The following SNRPF variants were observed in gnomAD, a reference collection of about 807,000 sequenced individuals.
The protein encoded by SNRPF is small nuclear ribonucleoprotein F.
In SNRPF, 1 loss-of-function variant was observed where a neutral mutation model predicts 13.4. The observed-to-expected ratio is 0.07, with a 90% CI of 0.03 to 0.35. The LOEUF (loss-of-function observed/expected upper bound fraction) is 0.35. Ranked by LOEUF, SNRPF falls within the 10% of genes least tolerant of loss-of-function variation. The pLI, the probability that SNRPF is intolerant of heterozygous loss-of-function variation, is 0.99. For synonymous variants in SNRPF, 27 were observed against 32.1 expected, an observed-to-expected ratio of 0.84 and a Z score of 0.54; for missense variants, 53 against 101.0, an observed-to-expected ratio of 0.52 and a Z score of 2.04.
At chr12:95,864,279 A>G in intron 2 of SNRPF, among the ~76,000 whole-genome samples, 1 of 152,020 alleles carries the variant, frequency 6.6e-6, no homozygotes, top group East Asian at 1.9e-4. Flanking sequence ...CACGTGCCTA[A>G]TTGTGAAGGA....
intron 1 of SNRPF, among the ~76,000 whole-genome samples, chr12:95,859,714 A>T (rs1436575747): frequency 6.6e-6 from 1 of 152,176 alleles, no homozygotes; most frequent in Non-Finnish European, 1.5e-5. Context: ...ATTTGGAGAA[A>T]TTGACAGAAA....
At chr12:95,860,852 CTTTTTTT>C (rs10689270) in intron 1 of SNRPF, among the ~76,000 whole-genome samples, 1 of 96,564 alleles carries the variant, frequency 1.0e-5, no homozygotes, top group East Asian at 2.7e-4. Flanking sequence ...ACCTGGCCCG[CTTTTTTT>C]TTTTTTTTTT....
At chr12:95,862,371 G>T (rs1292286545) in intron 2 of SNRPF, among the ~76,000 whole-genome samples, 1 of 152,060 alleles carries the variant, frequency 6.6e-6, no homozygotes, top group Non-Finnish European at 1.5e-5. Context: ...GCTCTTTGGG[G>T]TATATACCCA....
In SNRPF at chr12:95,859,187, C is replaced by G; in HGVS notation, c.3+111C>G. On this transcript the variant is annotated intron_variant, in intron 1 of 3. Coordinates refer to ENST00000266735, the MANE Select transcript of SNRPF (RefSeq NM_003095.5). The stretch of plus-strand genomic sequence containing the variant: ...GTTTCCCATTCATCCGCGTGAGGCG[C>G]CGCGCACCCTGTCGCCAGCTCCTTT... The G allele has an allele frequency of 3.1e-6, 3 of 954,648 alleles. No individual in the cohort carries two copies. The South Asian group carries it at 4.1e-5, about 13-fold the overall frequency. The allele number at this position is 954,648 out of a possible 1,614,324, so 59.1% of individuals were successfully genotyped here. A position where few individuals can be genotyped will look rare whatever the true frequency, so the allele number is the denominator to read the frequency against.
At chr12:95,859,846 G>A (rs2079486443) in intron 1 of SNRPF, among the ~76,000 whole-genome samples, 1 of 152,148 alleles carries the variant, frequency 6.6e-6, no homozygotes. Context: ...AAAATGATTC[G>A]GTTGGAAGCC....
At chr12:95,859,739 C>A (rs1485593485) in intron 1 of SNRPF, among the ~76,000 whole-genome samples, 1 of 152,072 alleles carries the variant, frequency 6.6e-6, no homozygotes, top group Non-Finnish European at 1.5e-5. Context: ...TAGCCACTTG[C>A]GCGAATAGTG....
intron 1 of SNRPF, among the ~76,000 whole-genome samples, chr12:95,859,928 A>T (rs1411754836): frequency 2.0e-5 from 3 of 152,216 alleles, no homozygotes; most frequent in African/African-American, 7.2e-5. Flanking sequence ...TGTGGTGGAT[A>T]ACAAATTGGA....
Position 95,859,002 on chromosome 12 carries a change from T to G in SNRPF, c.-72T>G, listed in dbSNP as rs913685772. On this transcript the variant is annotated 5_prime_UTR_variant, in exon 1 of 4. Coordinates refer to ENST00000266735, the MANE Select transcript of SNRPF (RefSeq NM_003095.5). ...ACTGCGGCTCGGGACCTGCGGTACC[T>G]GCTGTAGTCACGAGGGACGGGCGGC... 6.2e-7 allele frequency: 1 copy of G among 1,601,236 alleles called. No individual in the cohort carries two copies. Among genetic ancestry groups the G allele is most frequent in the Non-Finnish European group, 8.5e-7 (1 of 1,175,450 alleles).
intron 2 of SNRPF, 36 bp from the exon 3 acceptor site, chr12:95,865,288 G>A (rs143747535): frequency 4.8e-6 from 5 of 1,051,584 alleles, no homozygotes; most frequent in East Asian, 4.8e-5. Flanking sequence ...TTTTCCTCCT[G>A]TGTGATTATA....
chr12:95,859,061 G>C lies in SNRPF; in HGVS notation c.-13G>C, dbSNP rs373073396. 1 of 1,613,058 alleles carries C rather than the reference G, an allele frequency of 6.2e-7. No individual in the cohort carries two copies. On this transcript the variant is annotated 5_prime_UTR_variant, in exon 1 of 4. Coordinates refer to ENST00000266735, the MANE Select transcript of SNRPF (RefSeq NM_003095.5). ...CGGCAGAGAGTAGCCTGCAACATTC[G>C]GCCGTGGTTACGATGGTAAGGAGAA...
chr12:95,861,115 T>G, intron 1 of SNRPF, 53 bp from the exon 2 acceptor site: 1 of 1,541,836 alleles, frequency 6.5e-7, no homozygotes, highest in Non-Finnish European at 8.8e-7. Context: ...TAGAAGAGAG[T>G]TGGTGGTGGG....
Position 95,865,989 on chromosome 12 carries a change from CT to C in SNRPF, c.195-11del. The C allele has an allele frequency of 7.5e-7, 1 of 1,340,382 alleles. No homozygotes were observed. Among genetic ancestry groups the C allele is most frequent in the South Asian group, 1.3e-5 (1 of 77,732 alleles). The allele number at this position is 1,340,382 out of a possible 1,614,324, so 83.0% of individuals were successfully genotyped here. ...TTTCTGGTTGGAACAACAAAATCGACTTTTTCTATTTACAGGTGTAATAATG... is the reference window on the plus strand; with the variant it reads ...TTTCTGGTTGGAACAACAAAATCGACTTTTCTATTTACAGGTGTAATAATG... On this transcript the variant is annotated splice_polypyrimidine_tract_variant and intron_variant, in intron 3 of 3. Coordinates refer to ENST00000266735, the MANE Select transcript of SNRPF (RefSeq NM_003095.5).
chr12:95,862,675 T>C (rs1381227835), intron 2 of SNRPF, among the ~76,000 whole-genome samples: 3 of 152,188 alleles, frequency 2.0e-5, no homozygotes, highest in Non-Finnish European at 2.9e-5. Flanking sequence ...CTGTGATCAC[T>C]GCACTCTAGC....
chr12:95,865,160 AC>A (rs1250249426), intron 2 of SNRPF, 163 bp from the exon 3 acceptor site: 1 of 421,572 alleles, frequency 2.4e-6, no homozygotes, highest in African/African-American at 2.0e-5. Context: ...AACCAAAAGT[AC>A]TACAATAGTA....
chr12:95,865,437 A>G, intron 3 of SNRPF, 49 bp downstream of exon 3: 1 of 854,850 alleles, frequency 1.2e-6, no homozygotes, highest in East Asian at 2.5e-5. Flanking sequence ...GAGCATTAGG[A>G]ATACCTGTTC....
intron 2 of SNRPF, 173 bp downstream of exon 2, chr12:95,861,466 C>A: frequency 2.2e-6 from 1 of 455,572 alleles, no homozygotes; most frequent in South Asian, 2.3e-5. Context: ...AGGTACAAGA[C>A]ATGGACTTAA....
chr12:95,859,051 T>G lies in SNRPF; in HGVS notation c.-23T>G, dbSNP rs1002924121. ...GCGGCCTGGTCGGCAGAGAGTAGCCTGCAACATTCGGCCGTGGTTACGATG... is the reference window on the plus strand; with the variant it reads ...GCGGCCTGGTCGGCAGAGAGTAGCCGGCAACATTCGGCCGTGGTTACGATG... On this transcript the variant is annotated 5_prime_UTR_variant, in exon 1 of 4. Transcript: ENST00000266735. 8.1e-6 allele frequency: 13 copies of G among 1,612,680 alleles called. No individual in the cohort carries two copies. Among genetic ancestry groups the G allele is most frequent in the African/African-American group, 1.3e-5 (1 of 74,914 alleles).
intron 2 of SNRPF, among the ~76,000 whole-genome samples, chr12:95,863,171 C>T (rs2079504216): frequency 6.6e-6 from 1 of 152,004 alleles, no homozygotes; most frequent in Admixed American, 6.5e-5. Context: ...AGGCAATTAC[C>T]ACCTGAGCAC....
At chr12:95,863,938 T>C (rs535645115) in intron 2 of SNRPF, among the ~76,000 whole-genome samples, 110 of 152,262 alleles carry the variant, frequency 7.2e-4, no homozygotes, top group African/African-American at 2.4e-3. Flanking sequence ...ATGGCGGCCA[T>C]AGAGAGCCTG....
Sources: gnomAD v4.1 joint callset for allele counts (sites outside exome capture counted in the v4.1 genomes callset) on GRCh38, gnomAD v4.1.1 for gene constraint, MANE v1.5 for transcripts, NCBI Gene and HGNC (gene_info 2026-07-23, HGNC 2026-07-21) for gene names.